KMT2C: variants seen among roughly 807,000 people sequenced by gnomAD.
KMT2C encodes the protein lysine methyltransferase 2C.
KMT2C carries 88 observed loss-of-function variants against 507.9 expected under a neutral mutation model. The observed-to-expected ratio is 0.17, with a 90% CI of 0.15 to 0.21. KMT2C has a LOEUF of 0.21. KMT2C is among the 10% of genes least tolerant of loss of function. The pLI is 1.00. For synonymous variants in KMT2C, 2,049 were observed against 2,080.8 expected, an observed-to-expected ratio of 0.98 and a Z score of 0.42; for missense variants, 4,954 against 5,957.8, an observed-to-expected ratio of 0.83 and a Z score of 5.55.
At chr7:152,188,605 C>T (rs1257614257) in intron 31 of KMT2C, among the ~76,000 whole-genome samples, 7 of 96,760 alleles carry the variant, frequency 7.2e-5, no homozygotes, top group Admixed American at 1.2e-4. Context: ...TGATTCTTTC[C>T]TTTTTTTTTT....
At chr7:152,296,674 C>T (rs1219143732) in intron 6 of KMT2C, among the ~76,000 whole-genome samples, 2 of 151,896 alleles carry the variant, frequency 1.3e-5, no homozygotes, top group Non-Finnish European at 1.5e-5. Flanking sequence ...ATGTTAAGAC[C>T]CTGACAACTT....
At chr7:152,397,576 G>A (rs746874564) in intron 1 of KMT2C, among the ~76,000 whole-genome samples, 3 of 152,104 alleles carry the variant, frequency 2.0e-5, no homozygotes, top group Non-Finnish European at 4.4e-5. Flanking sequence ...TATTTTGGGA[G>A]ATGGGAGGAT....
chr7:152,400,348 T>C (rs1232748609), intron 1 of KMT2C, among the ~76,000 whole-genome samples: 1 of 152,162 alleles, frequency 6.6e-6, no homozygotes, highest in Non-Finnish European at 1.5e-5. Context: ...AGCCGTAACA[T>C]GAAAACTTTC....
intron 9 of KMT2C, among the ~76,000 whole-genome samples, chr7:152,259,538 TGATA>T (rs1280078242): frequency 2.7e-5 from 4 of 148,344 alleles, no homozygotes; most frequent in Non-Finnish European, 5.9e-5. Flanking sequence ...TGCTAACAAC[TGATA>T]AATCTAAGTA....
At chr7:152,269,448 T>C (rs2095917518) in intron 7 of KMT2C, among the ~76,000 whole-genome samples, 1 of 152,206 alleles carries the variant, frequency 6.6e-6, no homozygotes, top group Admixed American at 6.5e-5. Context: ...AGATTATCGA[T>C]ACTACTGGAT....
chr7:152,416,054 G>A (rs2116703772), intron 1 of KMT2C, among the ~76,000 whole-genome samples: 1 of 152,102 alleles, frequency 6.6e-6, no homozygotes, highest in Middle Eastern at 3.4e-3. Flanking sequence ...ACAAATTGAT[G>A]CAACCTTTTT....
At position 152,205,148 on chromosome 7, in the gene KMT2C, A is replaced by T; in HGVS notation, c.3919T>A (p.Ser1307Thr). ...AACTGCTCGGAAATAGAGCCTGAGGAATCTTTTCTGATCACAGATCTTTTG... is the reference window on the plus strand; with the variant it reads ...AACTGCTCGGAAATAGAGCCTGAGGTATCTTTTCTGATCACAGATCTTTTG... ...KTKRSVIRKD[S>T]SGSISEQLPC... The change falls in exon 25 of 59, where the codon TCC becomes ACC. Residue 1307 changes from serine to threonine, a missense_variant. By Grantham distance (58) the Ser-to-Thr change is moderately conservative (BLOSUM62 1). Around this residue, in one of 29 missense-constraint regions of KMT2C, gnomAD observed 176 missense variants for 262.0 expected, o/e 0.67. Transcript: ENST00000262189. 2 of 1,612,534 alleles carry T rather than the reference A, an allele frequency of 1.2e-6. No individual in the cohort carries two copies. The highest frequency in any genetic ancestry group is 2.2e-5 in the South Asian group (2 of 91,032).
intron 3 of KMT2C, among the ~76,000 whole-genome samples, chr7:152,321,135 G>A (rs1031939104): frequency 3.3e-5 from 5 of 151,968 alleles, no homozygotes; most frequent in East Asian, 1.9e-4. Flanking sequence ...TCAGGAGGCT[G>A]AGGCAGGAGA....
At chr7:152,214,530 T>C (rs921832304) in intron 23 of KMT2C, among the ~76,000 whole-genome samples, 7 of 151,912 alleles carry the variant, frequency 4.6e-5, no homozygotes, top group African/African-American at 1.7e-4. Flanking sequence ...GAAAAAAAAA[T>C]CAGTTTTGTC....
chr7:152,318,003 T>C (rs965045254), intron 3 of KMT2C, among the ~76,000 whole-genome samples: 1 of 151,680 alleles, frequency 6.6e-6, no homozygotes, highest in Non-Finnish European at 1.5e-5. Flanking sequence ...CCAGGCATGG[T>C]GGCAGGCGCC....
At chr7:152,141,838 G>A (rs574643513) in intron 55 of KMT2C, among the ~76,000 whole-genome samples, 2 of 152,246 alleles carry the variant, frequency 1.3e-5, no homozygotes, top group African/African-American at 4.8e-5. Flanking sequence ...GGACAACATG[G>A]CAAAACCTCA....
At chr7:152,146,499 C>A in intron 53 of KMT2C, 100 bp downstream of exon 53, 1 of 1,169,374 alleles carries the variant, frequency 8.6e-7, no homozygotes, top group Non-Finnish European at 1.2e-6. Context: ...CAGGCTCAGT[C>A]ACTTTCTGAA....
chr7:152,346,624 G>C (rs2097059644), intron 2 of KMT2C, among the ~76,000 whole-genome samples: 1 of 152,164 alleles, frequency 6.6e-6, no homozygotes, highest in Non-Finnish European at 1.5e-5. Flanking sequence ...GTTGACCCTT[G>C]AACAATGAGA....
At position 152,358,729 on chromosome 7, in the gene KMT2C, G is replaced by A. The variant is rs1164138932; in HGVS notation, c.162-54C>T. On this transcript the variant is annotated intron_variant, in intron 1 of 58. Transcript: ENST00000262189. ...CATAGAGTTAAATGTTAAATTTTAA[G>A]GCTTAGACTTATATTCAACATAAGG... is the stretch of plus-strand genomic sequence containing the variant. 3.7e-5 allele frequency: 43 copies of A among 1,170,124 alleles called. 1 individual carries two copies. Among genetic ancestry groups the A allele is most frequent in the Middle Eastern group, 4.0e-4 (2 of 5,032 alleles). The allele number at this position is 1,170,124 out of a possible 1,614,324, so 72.5% of individuals were successfully genotyped here.
intron 18 of KMT2C, among the ~76,000 whole-genome samples, chr7:152,225,716 C>T (rs1316541792): frequency 3.9e-5 from 6 of 152,192 alleles, no homozygotes; most frequent in Non-Finnish European, 7.4e-5. Flanking sequence ...ATGAGAACAA[C>T]ATACCTAGAA....
chr7:152,155,894 A>G lies in KMT2C; in HGVS notation c.11960+16T>C. On this transcript the variant is annotated intron_variant, in intron 46 of 58. Transcript: ENST00000262189. ...AGAAATAACTAAGAATTATTTGAGA[A>G]AAAAATAACCTGTACCTTAATTCTT... is the stretch of plus-strand genomic sequence containing the variant. The G allele has an allele frequency of 6.3e-7, 1 of 1,576,666 alleles. No individual in the cohort carries two copies. The highest frequency in any genetic ancestry group is 1.2e-5 in the South Asian group (1 of 82,566).
chr7:152,258,408 ACT>A, intron 9 of KMT2C, among the ~76,000 whole-genome samples: 1 of 152,340 alleles, frequency 6.6e-6, no homozygotes. Flanking sequence ...CAGAGGGCTA[ACT>A]GGTAAATGCG....
chr7:152,201,307 C>CACAG (rs200012118), intron 26 of KMT2C, among the ~76,000 whole-genome samples: 9 of 150,838 alleles, frequency 6.0e-5, no homozygotes, highest in African/African-American at 1.7e-4. Context: ...CACACACACA[C>CACAG]ACACACACAC....
At chr7:152,302,348 C>T (rs1192143402) in intron 6 of KMT2C, among the ~76,000 whole-genome samples, 1 of 152,044 alleles carries the variant, frequency 6.6e-6, no homozygotes, top group Non-Finnish European at 1.5e-5. Flanking sequence ...CTCAGCCTCT[C>T]GAGTAGCTGG....
Sources: gnomAD v4.1 joint callset for allele counts (sites outside exome capture counted in the v4.1 genomes callset) on GRCh38, gnomAD v4.1.1 for gene constraint, gnomAD v4.1.1 regional missense constraint, MANE v1.5 for transcripts, NCBI Gene and HGNC (gene_info 2026-07-23, HGNC 2026-07-21) for gene names.